WASF1: variants seen among roughly 807,000 people sequenced by gnomAD.
WASF1 encodes the protein actin-binding protein WASF1.
Under a neutral mutation model 50.5 loss-of-function variants are expected in WASF1, and 7 were observed. The observed-to-expected ratio is 0.14, with a 90% confidence interval of 0.08 to 0.26. WASF1 has a LOEUF of 0.26. Ranked by LOEUF, WASF1 falls within the 10% of genes least tolerant of loss-of-function variation. WASF1 has a pLI of 1.00. For synonymous variants in WASF1, 205 were observed against 244.0 expected (o/e 0.84, Z 1.49); for missense variants, 470 against 694.7 (o/e 0.68, Z 3.64).
intron 3 of WASF1, among the ~76,000 whole-genome samples, chr6:110,133,861 T>G (rs1402518958): frequency 6.6e-6 from 1 of 152,194 alleles, no homozygotes; most frequent in Non-Finnish European, 1.5e-5. Context: ...GCTTTTTAGT[T>G]TAATTAAGTC....
chr6:110,172,091 T>C (rs1015058310), intron 2 of WASF1, among the ~76,000 whole-genome samples: 1 of 152,208 alleles, frequency 6.6e-6, no homozygotes, highest in Admixed American at 6.5e-5. Flanking sequence ...GGTGGGAGTG[T>C]AAATTAGTTC....
chr6:110,119,860 T>A (rs1435544271), intron 4 of WASF1, among the ~76,000 whole-genome samples: 1 of 152,154 alleles, frequency 6.6e-6, no homozygotes, highest in Non-Finnish European at 1.5e-5. Context: ...GTCAGCTTCA[T>A]CCCTGGGATG....
chr6:110,178,965 A>T (rs926962152), intron 1 of WASF1, among the ~76,000 whole-genome samples: 1 of 152,182 alleles, frequency 6.6e-6, no homozygotes, highest in Non-Finnish European at 1.5e-5. Context: ...CTTTACCGTT[A>T]TGTTTTCAGA....
At position 110,135,876 on chromosome 6, in the gene WASF1, C is replaced by CTTTT. The variant is rs778710982; in HGVS notation, c.-28-8251_-28-8248dup. ...TCCATGAGAGAAAACAGTCCATTATCTTTTTTTTTTTTTTTTTTTTTTTTT... is the reference window on the plus strand; with the variant it reads ...TCCATGAGAGAAAACAGTCCATTATCTTTTTTTTTTTTTTTTTTTTTTTTTTTTT... On this transcript the variant is annotated intron_variant, in intron 3 of 10. Transcript: ENST00000392589. 1.3e-3 allele frequency among the ~76,000 whole-genome samples: 86 copies of CTTTT among 68,320 alleles called. 2 individuals are homozygous for CTTTT. Among genetic ancestry groups the CTTTT allele is most frequent in the African/African-American group, 1.9e-3 (30 of 15,776 alleles). The allele number at this position is 68,320 out of a possible 152,430, so 44.8% of individuals were successfully genotyped here.
At chr6:110,165,784 A>G (rs1292040962) in intron 2 of WASF1, among the ~76,000 whole-genome samples, 4 of 151,758 alleles carry the variant, frequency 2.6e-5, no homozygotes, top group Non-Finnish European at 5.9e-5. Context: ...GGAACTTGTA[A>G]GAACTGCATA....
intron 2 of WASF1, among the ~76,000 whole-genome samples, chr6:110,170,871 TA>T (rs1776684404): frequency 6.6e-6 from 1 of 152,118 alleles, no homozygotes; most frequent in Non-Finnish European, 1.5e-5. Flanking sequence ...TGCATTACGA[TA>T]AAGGGGCAAA....
intron 2 of WASF1, among the ~76,000 whole-genome samples, chr6:110,162,585 GA>G (rs1776304877): frequency 6.6e-6 from 1 of 151,320 alleles, no homozygotes; most frequent in South Asian, 2.1e-4. Flanking sequence ...ATTCATCCTA[GA>G]TATGCAAGGC....
At chr6:110,165,758 G>A (rs1449996706) in intron 2 of WASF1, among the ~76,000 whole-genome samples, 1 of 151,636 alleles carries the variant, frequency 6.6e-6, no homozygotes, top group East Asian at 1.9e-4. Context: ...AGCATCAGCA[G>A]CATCAACATC....
intron 9 of WASF1, 126 bp from the exon 10 acceptor site, chr6:110,102,342 A>G (rs1773130891): frequency 9.9e-7 from 1 of 1,015,040 alleles, no homozygotes; most frequent in Non-Finnish European, 1.3e-6. Flanking sequence ...ATGCTCCTAT[A>G]GAAATTTAAC....
At chr6:110,126,095 T>C (rs998401150) in intron 4 of WASF1, among the ~76,000 whole-genome samples, 2 of 152,176 alleles carry the variant, frequency 1.3e-5, no homozygotes, top group Non-Finnish European at 2.9e-5. Flanking sequence ...TTAACATGTA[T>C]TTTAATATTA....
chr6:110,105,685 TGTC>T, intron 7 of WASF1, 106 bp from the exon 8 acceptor site: 1 of 1,064,934 alleles, frequency 9.4e-7, no homozygotes, highest in Non-Finnish European at 1.4e-6. Context: ...AAAAAGACAA[TGTC>T]ATCATAATAT....
intron 4 of WASF1, among the ~76,000 whole-genome samples, chr6:110,114,581 A>T (rs1270073791): frequency 6.6e-6 from 1 of 152,184 alleles, no homozygotes; most frequent in East Asian, 1.9e-4. Flanking sequence ...ATGATTTGAG[A>T]AAAAGTGAAG....
intron 3 of WASF1, among the ~76,000 whole-genome samples, chr6:110,159,811 GC>G (rs1776187413): frequency 2.0e-5 from 3 of 151,770 alleles, no homozygotes; most frequent in African/African-American, 7.3e-5. Flanking sequence ...ATAATTCTGT[GC>G]ATTAAAGTGG....
At chr6:110,103,827 G>T (rs1012863006) in intron 8 of WASF1, among the ~76,000 whole-genome samples, 2 of 152,088 alleles carry the variant, frequency 1.3e-5, no homozygotes, top group African/African-American at 2.4e-5. Flanking sequence ...CAACTCACAG[G>T]ATGAAAAGCA....
At chr6:110,103,226 T>C in intron 9 of WASF1, 152 bp downstream of exon 9, 1 of 709,456 alleles carries the variant, frequency 1.4e-6, no homozygotes, top group Non-Finnish European at 2.3e-6. Flanking sequence ...TTTATGTATA[T>C]TCTATGGTGG....
At chr6:110,103,169 CCT>C (rs1288767024) in intron 9 of WASF1, among the ~76,000 whole-genome samples, 1 of 152,132 alleles carries the variant, frequency 6.6e-6, no homozygotes, top group Non-Finnish European at 1.5e-5. Flanking sequence ...TGACCTGCTC[CCT>C]GTTTTTATAA....
At chr6:110,108,468 T>C (rs1185708159) in intron 6 of WASF1, 60 bp downstream of exon 6, 1 of 1,496,406 alleles carries the variant, frequency 6.7e-7, no homozygotes, top group Non-Finnish European at 9.1e-7. Context: ...TTTGGGGATT[T>C]AGCATTTCAA....
intron 2 of WASF1, among the ~76,000 whole-genome samples, chr6:110,174,334 T>C (rs897271907): frequency 5.9e-5 from 9 of 152,148 alleles, no homozygotes; most frequent in Admixed American, 1.3e-4. Flanking sequence ...ACTATACTGT[T>C]AACTCCAAGA....
chr6:110,115,176 G>A (rs1255893926), intron 4 of WASF1, among the ~76,000 whole-genome samples: 1 of 150,550 alleles, frequency 6.6e-6, no homozygotes, highest in Non-Finnish European at 1.5e-5. Flanking sequence ...TGCCTGAACA[G>A]AGTTTTAATG....
Sources: gnomAD v4.1 joint callset for allele counts (sites outside exome capture counted in the v4.1 genomes callset) on GRCh38, gnomAD v4.1.1 for gene constraint, MANE v1.5 for transcripts, NCBI Gene and HGNC (gene_info 2026-07-23, HGNC 2026-07-21) for gene names.